PTPRD: variants seen among roughly 807,000 people sequenced by gnomAD.
PTPRD encodes the protein protein tyrosine phosphatase receptor type D.
A neutral mutation model predicts 214.5 loss-of-function variants in PTPRD; 34 were observed. The observed-to-expected ratio is 0.16, with a 90% CI of 0.12 to 0.21. PTPRD has a LOEUF of 0.21. Among genes scored for constraint, PTPRD ranks in the 10% least tolerant of loss-of-function variants. The pLI is 1.00. For missense variants in PTPRD, 2,545 were observed against 2,398.7 expected (o/e 1.06, Z -1.27); for synonymous variants, 1,128 against 845.7 (o/e 1.33, Z -5.79).
At chr9:9,791,754 G>A (rs1321063631) in intron 5 of PTPRD, among the ~76,000 whole-genome samples, 1 of 151,888 alleles carries the variant, frequency 6.6e-6, no homozygotes, top group East Asian at 1.9e-4. Flanking sequence ...GACTTTTTTT[G>A]ATTGGAAATA....
Position 10,158,355 on chromosome 9 carries a change from T to G in PTPRD, c.-544-124565A>C, listed in dbSNP as rs1480629972. Among the ~76,000 whole-genome samples, 3 of 152,204 alleles carry G rather than the reference T, an allele frequency of 2.0e-5. No homozygotes were observed. The East Asian group carries it at 5.8e-4, about 29-fold the overall frequency. ...GGTATTTTATCTGTCAGCTCTTGTA[T>G]AGTTTTACCATGTTTAATTTTTAAA... On this transcript the variant is annotated intron_variant, in intron 3 of 45. Coordinates refer to ENST00000381196, the MANE Select transcript of PTPRD (RefSeq NM_002839.4).
Position 8,674,312 on chromosome 9 carries a change from G to A in PTPRD, c.65-37468C>T, listed in dbSNP as rs542768396. Among the ~76,000 whole-genome samples, 7 of 152,040 alleles carry A rather than the reference G, an allele frequency of 4.6e-5. No individual in the cohort carries two copies. In the South Asian group the frequency reaches 1.2e-3, roughly 27 times the overall value. On this transcript the variant is annotated intron_variant, in intron 12 of 45. Transcript: ENST00000381196. ...GTCTCTACTAAAAACACAAAAATTAGCTGGGCGTGGTGGCACACGCCTGTA... is the reference window on the plus strand; with the variant it reads ...GTCTCTACTAAAAACACAAAAATTAACTGGGCGTGGTGGCACACGCCTGTA...
intron 11 of PTPRD, among the ~76,000 whole-genome samples, chr9:8,748,255 G>T (rs2093069001): frequency 6.6e-6 from 1 of 152,086 alleles, no homozygotes. Context: ...GCCTAGCTGG[G>T]AAGGTGACTG....
intron 9 of PTPRD, among the ~76,000 whole-genome samples, chr9:9,276,949 C>T (rs992153408): frequency 1.3e-5 from 2 of 151,224 alleles, no homozygotes; most frequent in Non-Finnish European, 3.0e-5. Context: ...TTCACAAATG[C>T]CAGGACAGCA....
chr9:9,938,985 T>C (rs1452323487), intron 4 of PTPRD, among the ~76,000 whole-genome samples: 2 of 150,254 alleles, frequency 1.3e-5, no homozygotes, highest in Non-Finnish European at 2.9e-5. Context: ...GAGAAGCTGA[T>C]GTTGAAAATA....
chr9:8,915,202 A>G (rs2098776119), intron 11 of PTPRD, among the ~76,000 whole-genome samples: 2 of 152,170 alleles, frequency 1.3e-5, no homozygotes, highest in South Asian at 2.1e-4. Flanking sequence ...CATGATGAAG[A>G]AAAGGGTGTG....
chr9:8,324,271 C>G (rs1354385262), intron 44 of PTPRD, among the ~76,000 whole-genome samples: 2 of 152,082 alleles, frequency 1.3e-5, no homozygotes, highest in Non-Finnish European at 2.9e-5. Flanking sequence ...CCCTGGCAGG[C>G]CCTGGTGTGT....
At chr9:8,815,106 T>C (rs1340195136) in intron 11 of PTPRD, among the ~76,000 whole-genome samples, 1 of 140,368 alleles carries the variant, frequency 7.1e-6, no homozygotes, top group African/African-American at 3.3e-5. Flanking sequence ...TTATATAATT[T>C]AGTTTTTTTT....
chr9:10,223,481 T>C (rs1203405928), intron 3 of PTPRD, among the ~76,000 whole-genome samples: 1 of 151,836 alleles, frequency 6.6e-6, no homozygotes, highest in Non-Finnish European at 1.5e-5. Context: ...CTGGCCAATG[T>C]GGCAAAACCC....
intron 11 of PTPRD, among the ~76,000 whole-genome samples, chr9:8,962,573 A>G (rs2099164715): frequency 6.6e-6 from 1 of 152,030 alleles, no homozygotes; most frequent in Non-Finnish European, 1.5e-5. Flanking sequence ...CACTCTTAGG[A>G]CATCATTTAA....
intron 2 of PTPRD, among the ~76,000 whole-genome samples, chr9:10,528,979 T>C (rs1021800718): frequency 2.6e-5 from 4 of 152,162 alleles, no homozygotes; most frequent in East Asian, 3.8e-4. Context: ...TTAAGAAAAA[T>C]AGATGTGCCG....
At chr9:10,024,324 T>G (rs2096879596) in intron 4 of PTPRD, among the ~76,000 whole-genome samples, 1 of 152,184 alleles carries the variant, frequency 6.6e-6, no homozygotes, top group Non-Finnish European at 1.5e-5. Flanking sequence ...AATTTTCTCC[T>G]GAAAGGAATT....
chr9:8,721,429 C>CA (rs35721977), intron 12 of PTPRD, among the ~76,000 whole-genome samples: 12,571 of 97,024 alleles, frequency 0.13, 1,882 homozygotes, highest in African/African-American at 0.4. Context: ...GACTCCATTT[C>CA]AAAAAAAAAA....
At chr9:10,159,236 A>C (rs2099112486) in intron 3 of PTPRD, among the ~76,000 whole-genome samples, 1 of 152,218 alleles carries the variant, frequency 6.6e-6, no homozygotes, top group Non-Finnish European at 1.5e-5. Flanking sequence ...AGAAAGAAAG[A>C]AAATCAACAG....
At chr9:8,406,213 T>C (rs745356626) in intron 35 of PTPRD, among the ~76,000 whole-genome samples, 8 of 152,110 alleles carry the variant, frequency 5.3e-5, no homozygotes, top group Non-Finnish European at 1.0e-4. Flanking sequence ...AGAAATTAAT[T>C]ATCTCCAAGC....
intron 9 of PTPRD, among the ~76,000 whole-genome samples, chr9:9,378,373 G>T (rs2061353541): frequency 6.6e-6 from 1 of 151,646 alleles, no homozygotes. Flanking sequence ...TTTCTTTTTA[G>T]CAGTGAGTAT....
intron 21 of PTPRD, 115 bp from the exon 22 acceptor site, chr9:8,507,549 G>A (rs903343552): frequency 2.4e-6 from 3 of 1,274,924 alleles, no homozygotes; most frequent in Admixed American, 2.0e-5. Context: ...TACCAGCTTA[G>A]TGGAAAACAA....
intron 9 of PTPRD, among the ~76,000 whole-genome samples, chr9:9,380,211 C>G (rs1266975812): frequency 6.6e-6 from 1 of 152,036 alleles, no homozygotes; most frequent in Non-Finnish European, 1.5e-5. Flanking sequence ...TTTAATCATG[C>G]TAGACATCTC....
At chr9:8,579,786 T>C (rs2092871177) in intron 14 of PTPRD, among the ~76,000 whole-genome samples, 1 of 152,152 alleles carries the variant, frequency 6.6e-6, no homozygotes, top group Non-Finnish European at 1.5e-5. Flanking sequence ...TGAAGGAGTA[T>C]CATGCAGACG....
Sources: allele counts gnomAD v4.1 joint callset (sites outside exome capture counted in the v4.1 genomes callset), GRCh38; gene constraint gnomAD v4.1.1; transcripts MANE v1.5; gene names NCBI Gene and HGNC (gene_info 2026-07-23, HGNC 2026-07-21).